UQCC1: variants seen among roughly 807,000 people sequenced by gnomAD.
The protein encoded by UQCC1 is bFGF-repressed Zic-binding protein.
In UQCC1, 38 loss-of-function variants were observed where a neutral mutation model predicts 48.0. The ratio of observed to expected loss-of-function variants is 0.79; its 90% CI spans 0.61 to 1.04. UQCC1 has a LOEUF of 1.04. Among genes scored for constraint, UQCC1 ranks in the 50% least tolerant of loss-of-function variants. The probability of loss-of-function intolerance (pLI) is 0.00; values close to 1 mark genes in which losing one functional copy is unlikely to be tolerated. For synonymous variants in UQCC1, 111 were observed against 129.2 expected (o/e 0.86, Z 0.95); for missense variants, 368 against 381.8 (o/e 0.96, Z 0.30).
At chr20:35,362,198 CTT>C (rs1438812626) in intron 6 of UQCC1, among the ~76,000 whole-genome samples, 4 of 152,124 alleles carry the variant, frequency 2.6e-5, no homozygotes, top group African/African-American at 9.7e-5. Context: ...GCAGAAGAAA[CTT>C]TGTGCAGAAG....
At chr20:35,410,347 C>G (rs886477921) in intron 1 of UQCC1, among the ~76,000 whole-genome samples, 2 of 151,574 alleles carry the variant, frequency 1.3e-5, no homozygotes, top group African/African-American at 2.4e-5. Flanking sequence ...GTCTGGCCAA[C>G]ATGGTGAAAC....
At chr20:35,402,020 C>A (rs1033888908) in intron 1 of UQCC1, among the ~76,000 whole-genome samples, 2 of 152,160 alleles carry the variant, frequency 1.3e-5, no homozygotes, top group Non-Finnish European at 2.9e-5. Flanking sequence ...GATACTAACT[C>A]AATTCCGGAG....
chr20:35,377,875 T>A (rs2061820866), intron 4 of UQCC1, among the ~76,000 whole-genome samples: 1 of 152,216 alleles, frequency 6.6e-6, no homozygotes, highest in Admixed American at 6.5e-5. Flanking sequence ...GGCCAGAGTA[T>A]GTTTTCAGTG....
chr20:35,305,394 C>G lies in UQCC1; in HGVS notation c.765+1272G>C, dbSNP rs537116152. 1.1e-3 allele frequency among the ~76,000 whole-genome samples: 166 copies of G among 152,324 alleles called. 2 individuals are homozygous for G. The highest frequency in any genetic ancestry group is 3.6e-3 in the African/African-American group (148 of 41,564). On this transcript the variant is annotated intron_variant, in intron 9 of 9. Coordinates refer to ENST00000374385, the MANE Select transcript of UQCC1 (RefSeq NM_018244.5). ...TGGCAGCCCCTTCCTAGAGGGCCCT[C>G]GGAGAAGTCCCAGTGTGTCTTGTTG... is the stretch of plus-strand genomic sequence containing the variant.
chr20:35,354,449 T>C (rs1420840931), intron 6 of UQCC1, among the ~76,000 whole-genome samples: 1 of 149,408 alleles, frequency 6.7e-6, no homozygotes, highest in Non-Finnish European at 1.5e-5. Context: ...CAGGCTGGAG[T>C]GCACTGACGC....
chr20:35,325,940 G>T (rs1471453739), intron 7 of UQCC1, among the ~76,000 whole-genome samples: 1 of 152,130 alleles, frequency 6.6e-6, no homozygotes, highest in African/African-American at 2.4e-5. Context: ...GAGCTGGAAG[G>T]GCAGTTTGTG....
chr20:35,314,183 C>G (rs949719407), intron 8 of UQCC1, among the ~76,000 whole-genome samples: 5 of 151,854 alleles, frequency 3.3e-5, no homozygotes, highest in African/African-American at 1.2e-4. Context: ...AGGCTGGTCT[C>G]GAACTCCTGA....
intron 6 of UQCC1, among the ~76,000 whole-genome samples, chr20:35,358,452 A>G (rs1042006883): frequency 6.7e-6 from 1 of 148,328 alleles, no homozygotes; most frequent in African/African-American, 2.5e-5. Context: ...AAAATCTTGT[A>G]ATGAAAAAGA....
intron 8 of UQCC1, 147 bp downstream of exon 8, chr20:35,314,541 G>A: frequency 1.9e-6 from 1 of 540,106 alleles, no homozygotes; most frequent in Non-Finnish European, 3.2e-6. Context: ...CATTCTCGCT[G>A]CCCAGTTGAT....
At chr20:35,376,624 A>C (rs1199666203) in intron 4 of UQCC1, among the ~76,000 whole-genome samples, 1 of 152,212 alleles carries the variant, frequency 6.6e-6, no homozygotes, top group Admixed American at 6.5e-5. Flanking sequence ...TGCAAACTGC[A>C]GACCCAGATA....
intron 4 of UQCC1, among the ~76,000 whole-genome samples, chr20:35,377,972 C>T (rs2061822523): frequency 1.3e-5 from 2 of 152,152 alleles, no homozygotes; most frequent in South Asian, 4.1e-4. Context: ...GAGCCATTTT[C>T]CTGGACAAAT....
intron 6 of UQCC1, among the ~76,000 whole-genome samples, chr20:35,356,432 A>C (rs1275743184): frequency 2.2e-5 from 3 of 139,192 alleles, no homozygotes; most frequent in African/African-American, 7.5e-5. Flanking sequence ...AAAAATGACT[A>C]ACAGGAAGAA....
chr20:35,388,645 T>C (rs1450217908), intron 2 of UQCC1, among the ~76,000 whole-genome samples: 1 of 152,146 alleles, frequency 6.6e-6, no homozygotes, highest in Non-Finnish European at 1.5e-5. Flanking sequence ...AAGACTAGGA[T>C]ATATACTCAA....
chr20:35,407,657 G>A (rs1252184312), intron 1 of UQCC1, among the ~76,000 whole-genome samples: 2 of 152,082 alleles, frequency 1.3e-5, no homozygotes, highest in South Asian at 2.1e-4. Context: ...AGGCCAAGGC[G>A]GGTGGATCAC....
At position 35,349,726 on chromosome 20, in the gene UQCC1, G is replaced by C. The variant is rs112479781; in HGVS notation, c.465-2454C>G. 4.2e-3 allele frequency among the ~76,000 whole-genome samples: 643 copies of C among 152,324 alleles called. 3 individuals carry two copies. The highest frequency in any genetic ancestry group is 6.1e-3 in the Non-Finnish European group (415 of 68,030). ...TACCAAAGAGAATCAGGTCAGGCCT[G>C]GTGGTTCACACCTATAATCCCAGCA... On this transcript the variant is annotated intron_variant, in intron 6 of 9. Coordinates refer to ENST00000374385, the MANE Select transcript of UQCC1 (RefSeq NM_018244.5).
intron 6 of UQCC1, among the ~76,000 whole-genome samples, chr20:35,361,917 G>A (rs2061609994): frequency 1.3e-5 from 2 of 151,986 alleles, no homozygotes; most frequent in African/African-American, 4.8e-5. Flanking sequence ...CCTCTCCATC[G>A]TACCTCCATC....
At chr20:35,325,880 A>C (rs774554774) in intron 7 of UQCC1, among the ~76,000 whole-genome samples, 2 of 152,162 alleles carry the variant, frequency 1.3e-5, no homozygotes, top group Non-Finnish European at 2.9e-5. Context: ...CACACACAAA[A>C]AAAACAAAAA....
intron 1 of UQCC1, chr20:35,409,336 G>C (rs951755513): frequency 3.3e-5 from 5 of 152,988 alleles, no homozygotes; most frequent in African/African-American, 1.2e-4. Flanking sequence ...TGAACGTAGT[G>C]GCACGTGCCT....
intron 7 of UQCC1, among the ~76,000 whole-genome samples, chr20:35,315,909 G>A (rs1712150074): frequency 6.6e-6 from 1 of 152,040 alleles, no homozygotes; most frequent in South Asian, 2.1e-4. Context: ...CTCAGAGACT[G>A]TTTTAGAAAT....
Sources: gnomAD v4.1 joint callset for allele counts (sites outside exome capture counted in the v4.1 genomes callset) on GRCh38, gnomAD v4.1.1 for gene constraint, MANE v1.5 for transcripts, NCBI Gene and HGNC (gene_info 2026-07-23, HGNC 2026-07-21) for gene names.